The following CACHD1 variants were observed in gnomAD, a reference collection of about 807,000 sequenced individuals.
CACHD1 encodes the protein cache domain containing 1, also known as VWFA and cache domain-containing protein 1.
Under a neutral mutation model 138.7 loss-of-function variants are expected in CACHD1, and 71 were observed. The ratio of observed to expected loss-of-function variants is 0.51; its 90% CI spans 0.42 to 0.62. CACHD1 has a LOEUF of 0.62. Among genes scored for constraint, CACHD1 ranks in the 20% least tolerant of loss-of-function variants. CACHD1 has a pLI of 0.00. For missense variants in CACHD1, 1,389 were observed against 1,625.3 expected, an observed-to-expected ratio of 0.85 and a Z score of 2.50; for synonymous variants, 578 against 591.5, an observed-to-expected ratio of 0.98 and a Z score of 0.33.
At chr1:64,610,017 C>T (rs569875806) in intron 4 of CACHD1, among the ~76,000 whole-genome samples, 1 of 152,190 alleles carries the variant, frequency 6.6e-6, no homozygotes, top group East Asian at 1.9e-4. Flanking sequence ...TCCTTCTTCA[C>T]ATGGCAGCAG....
At chr1:64,550,551 G>T in intron 1 of CACHD1, 43 bp from the exon 2 acceptor site, 1 of 1,405,568 alleles carries the variant, frequency 7.1e-7, no homozygotes, top group South Asian at 1.2e-5. Flanking sequence ...TGTAGAAAAT[G>T]ACTTATTTAG....
At chr1:64,666,872 A>AAGAG (rs146557306) in intron 16 of CACHD1, among the ~76,000 whole-genome samples, 7,444 of 137,344 alleles carry the variant, frequency 0.054, 432 homozygotes, top group East Asian at 0.18. Context: ...AAAAAAAAAA[A>AAGAG]CGAGAAAGAA....
At chr1:64,531,050 T>C (rs778191850) in intron 1 of CACHD1, among the ~76,000 whole-genome samples, 1 of 152,054 alleles carries the variant, frequency 6.6e-6, no homozygotes. Flanking sequence ...CAATGAACTG[T>C]ATATCAGATT....
At chr1:64,626,211 G>A (rs1387520220) in intron 4 of CACHD1, among the ~76,000 whole-genome samples, 1 of 152,220 alleles carries the variant, frequency 6.6e-6, no homozygotes, top group East Asian at 1.9e-4. Context: ...CCAGTGACAG[G>A]CGGAGCCAGC....
At chr1:64,689,445 A>T (rs1650473856) in intron 26 of CACHD1, among the ~76,000 whole-genome samples, 1 of 151,976 alleles carries the variant, frequency 6.6e-6, no homozygotes, top group Non-Finnish European at 1.5e-5. Flanking sequence ...ATAGCTTTTA[A>T]ATCTGTCCAA....
At chr1:64,664,165 C>T in intron 14 of CACHD1, 1 of 449,548 alleles carries the variant, frequency 2.2e-6, no homozygotes, top group South Asian at 4.0e-5. Context: ...CCTGCTGTCT[C>T]TCGAGATAAA....
chr1:64,480,886 CTTT>C (rs530847374), intron 1 of CACHD1, among the ~76,000 whole-genome samples: 2 of 140,568 alleles, frequency 1.4e-5, no homozygotes, highest in African/African-American at 2.6e-5. Flanking sequence ...CTCTCTCTCC[CTTT>C]TTTTTTTTTT....
At chr1:64,572,714 C>T (rs922523653) in intron 2 of CACHD1, among the ~76,000 whole-genome samples, 7 of 152,188 alleles carry the variant, frequency 4.6e-5, no homozygotes, top group African/African-American at 1.7e-4. Flanking sequence ...CTCCTCCCAG[C>T]TCAGCACAGG....
intron 2 of CACHD1, among the ~76,000 whole-genome samples, chr1:64,552,509 G>A (rs932112955): frequency 4.9e-5 from 7 of 143,526 alleles, no homozygotes; most frequent in Admixed American, 2.9e-4. Flanking sequence ...TTGCTCTGTC[G>A]CCCATGCTGG....
At chr1:64,607,149 G>A (rs1343179781) in intron 4 of CACHD1, among the ~76,000 whole-genome samples, 1 of 152,138 alleles carries the variant, frequency 6.6e-6, no homozygotes, top group African/African-American at 2.4e-5. Flanking sequence ...AAAGAGAAGG[G>A]CTCCAGGGAC....
At chr1:64,680,535 A>T (rs1487844589) in intron 24 of CACHD1, among the ~76,000 whole-genome samples, 1 of 152,094 alleles carries the variant, frequency 6.6e-6, no homozygotes, top group Non-Finnish European at 1.5e-5. Flanking sequence ...TTCACCTATA[A>T]TCATGGCCTC....
chr1:64,472,825 G>A (rs1646153255), intron 1 of CACHD1, among the ~76,000 whole-genome samples: 1 of 152,082 alleles, frequency 6.6e-6, no homozygotes, highest in Non-Finnish European at 1.5e-5. Context: ...CATCCCTAGG[G>A]CTGGACAAGA....
chr1:64,668,988 G>C (rs1236927466), intron 16 of CACHD1, among the ~76,000 whole-genome samples: 1 of 152,094 alleles, frequency 6.6e-6, no homozygotes, highest in Non-Finnish European at 1.5e-5. Flanking sequence ...GCCATTTACT[G>C]TTTGCATGAC....
intron 1 of CACHD1, among the ~76,000 whole-genome samples, chr1:64,519,691 A>G (rs1014077658): frequency 6.6e-6 from 1 of 152,264 alleles, no homozygotes; most frequent in Non-Finnish European, 1.5e-5. Flanking sequence ...CAAGCCAAAA[A>G]ACTTGATGTT....
chr1:64,624,991 A>G (rs1307629910), intron 4 of CACHD1, among the ~76,000 whole-genome samples: 1 of 152,204 alleles, frequency 6.6e-6, no homozygotes, highest in African/African-American at 2.4e-5. Context: ...TTCATTTACA[A>G]ATGTCTATGT....
intron 2 of CACHD1, among the ~76,000 whole-genome samples, chr1:64,561,858 C>CAAAAAA (rs35407984): frequency 5.2e-5 from 6 of 116,480 alleles, no homozygotes; most frequent in Non-Finnish European, 1.0e-4. Context: ...ACACTGTCTC[C>CAAAAAA]AAAAAAAAAA....
chr1:64,488,470 T>C (rs944173527), intron 1 of CACHD1, among the ~76,000 whole-genome samples: 3 of 152,200 alleles, frequency 2.0e-5, no homozygotes, highest in African/African-American at 7.2e-5. Flanking sequence ...TTTTCCAAAA[T>C]GTCTGACATT....
chr1:64,522,509 T>C (rs1268354933), intron 1 of CACHD1, among the ~76,000 whole-genome samples: 2 of 152,094 alleles, frequency 1.3e-5, no homozygotes, highest in African/African-American at 4.8e-5. Context: ...GATTTTACCA[T>C]GTTAGCCAGG....
At chr1:64,509,629 G>A in intron 1 of CACHD1, among the ~76,000 whole-genome samples, 1 of 152,096 alleles carries the variant, frequency 6.6e-6, no homozygotes, top group East Asian at 1.9e-4. Context: ...TTAAAGTAGG[G>A]AAGTTTTGTT....
Sources: gnomAD v4.1 joint callset for allele counts (sites outside exome capture counted in the v4.1 genomes callset) on GRCh38, gnomAD v4.1.1 for gene constraint, MANE v1.5 for transcripts, NCBI Gene and HGNC (gene_info 2026-07-23, HGNC 2026-07-21) for gene names.